The following PCDH15 variants were observed in gnomAD, a reference collection of about 807,000 sequenced individuals.
The protein encoded by PCDH15 is protocadherin-15.
A neutral mutation model predicts 178.5 loss-of-function variants in PCDH15; 129 were observed. The observed-to-expected ratio is 0.72, with a 90% CI of 0.63 to 0.84. PCDH15 has a LOEUF of 0.84. PCDH15 is among the 40% of genes least tolerant of loss of function. PCDH15 has a pLI of 0.00. For missense variants in PCDH15, 2,230 were observed against 2,099.9 expected (o/e 1.06, Z -1.21); for synonymous variants, 800 against 732.0 (o/e 1.09, Z -1.50).
At chr10:54,316,133 T>C (rs939520039) in intron 8 of PCDH15, among the ~76,000 whole-genome samples, 6 of 152,190 alleles carry the variant, frequency 3.9e-5, no homozygotes, top group African/African-American at 1.4e-4. Context: ...TGCACATAAC[T>C]ATTTATTTTT....
chr10:54,399,376 T>C (rs1034387876), intron 3 of PCDH15, among the ~76,000 whole-genome samples: 17 of 152,032 alleles, frequency 1.1e-4, no homozygotes, highest in Admixed American at 1.1e-3. Context: ...AATATTACAG[T>C]GTGATAATTG....
chr10:53,944,691 T>C (rs1162330688), intron 23 of PCDH15, among the ~76,000 whole-genome samples: 1 of 152,184 alleles, frequency 6.6e-6, no homozygotes, highest in East Asian at 1.9e-4. Context: ...GCTTCAGTAA[T>C]GGAACTATAC....
intron 21 of PCDH15, among the ~76,000 whole-genome samples, chr10:53,966,511 G>A (rs2089038333): frequency 1.3e-5 from 2 of 151,912 alleles, no homozygotes; most frequent in Middle Eastern, 6.8e-3. Context: ...ATAGGTAAAG[G>A]TAATAGGCTT....
intron 1 of PCDH15, among the ~76,000 whole-genome samples, chr10:54,766,535 T>C (rs547811785): frequency 1.3e-5 from 2 of 149,128 alleles, no homozygotes; most frequent in Admixed American, 1.3e-4. Flanking sequence ...GTGAATGCAA[T>C]TGATACAAGA....
chr10:55,202,189 G>A (rs1840270734), intron 1 of PCDH15, among the ~76,000 whole-genome samples: 1 of 152,050 alleles, frequency 6.6e-6, no homozygotes, highest in South Asian at 2.1e-4. Flanking sequence ...GGCTGCTGTG[G>A]CTTCTGTAGT....
chr10:54,804,975 G>A (rs1952757110), upstream of PCDH15, among the ~76,000 whole-genome samples: 1 of 50,610 alleles, frequency 2.0e-5, no homozygotes, highest in Non-Finnish European at 4.3e-5. Context: ...TGCAAAGCTA[G>A]TTCTCTCACC....
chr10:54,371,714 CAAAT>C (rs1224349535), intron 4 of PCDH15, among the ~76,000 whole-genome samples: 6 of 144,654 alleles, frequency 4.1e-5, no homozygotes, highest in Non-Finnish European at 1.5e-5. Flanking sequence ...TAAAAAATAA[CAAAT>C]AGAGCAGAGA....
intron 21 of PCDH15, among the ~76,000 whole-genome samples, chr10:53,983,060 A>G (rs1300090885): frequency 1.3e-5 from 2 of 152,042 alleles, no homozygotes; most frequent in African/African-American, 4.8e-5. Context: ...GTTTTCAAGA[A>G]CACAAATATT....
intron 2 of PCDH15, among the ~76,000 whole-genome samples, chr10:54,990,486 G>C (rs1027022959): frequency 3.3e-5 from 5 of 152,010 alleles, no homozygotes; most frequent in Admixed American, 2.0e-4. Flanking sequence ...TTAGCTTCTA[G>C]CTATTTTTCT....
chr10:55,613,159 A>G (rs1026895946), intron 2 of PCDH15, among the ~76,000 whole-genome samples: 1 of 151,458 alleles, frequency 6.6e-6, no homozygotes, highest in Non-Finnish European at 1.5e-5. Context: ...TCAGAAATCC[A>G]TTATTAGTTT....
intron 8 of PCDH15, among the ~76,000 whole-genome samples, chr10:54,245,604 TA>T (rs1379664956): frequency 1.3e-5 from 2 of 152,014 alleles, no homozygotes; most frequent in East Asian, 3.9e-4. Context: ...GAAAATAAGG[TA>T]AATGATTACT....
intron 26 of PCDH15, among the ~76,000 whole-genome samples, chr10:53,871,836 C>T (rs2079885923): frequency 6.6e-6 from 1 of 152,040 alleles, no homozygotes; most frequent in South Asian, 2.1e-4. Flanking sequence ...TCACCGCAAC[C>T]TCCACCTCCC....
chr10:54,452,851 C>T (rs1020062139), intron 3 of PCDH15, among the ~76,000 whole-genome samples: 9 of 152,002 alleles, frequency 5.9e-5, no homozygotes, highest in South Asian at 2.1e-4. Flanking sequence ...ATGACTACAC[C>T]GCATGTACAC....
At chr10:54,452,373 T>C (rs1250395880) in intron 3 of PCDH15, 1 of 152,084 alleles carries the variant, frequency 6.6e-6, no homozygotes, top group African/African-American at 2.4e-5. Flanking sequence ...ACACTGGCTT[T>C]CTCTGTTTCT....
At chr10:54,543,970 G>A (rs1326563967) in intron 2 of PCDH15, among the ~76,000 whole-genome samples, 1 of 152,060 alleles carries the variant, frequency 6.6e-6, no homozygotes, top group Non-Finnish European at 1.5e-5. Context: ...ACATACCGAA[G>A]AACACCTGAC....
chr10:55,262,183 A>G (rs1842163271), intron 1 of PCDH15, among the ~76,000 whole-genome samples: 1 of 147,556 alleles, frequency 6.8e-6, no homozygotes, highest in African/African-American at 2.5e-5. Context: ...GAGGGAGGGA[A>G]AGGGAGTGAG....
At chr10:54,192,314 A>G (rs1322518471) in intron 11 of PCDH15, among the ~76,000 whole-genome samples, 2 of 151,888 alleles carry the variant, frequency 1.3e-5, no homozygotes, top group Admixed American at 1.3e-4. Flanking sequence ...GGCCCTGCAG[A>G]AGATAGACTT....
At chr10:55,222,254 T>C (rs954290975) in intron 1 of PCDH15, among the ~76,000 whole-genome samples, 3 of 152,020 alleles carry the variant, frequency 2.0e-5, no homozygotes, top group Non-Finnish European at 2.9e-5. Context: ...TTGTTCCTGA[T>C]AAGCTAGTAC....
At chr10:55,449,142 A>G (rs926265730) in intron 2 of PCDH15, among the ~76,000 whole-genome samples, 2 of 152,068 alleles carry the variant, frequency 1.3e-5, no homozygotes, top group African/African-American at 4.8e-5. Flanking sequence ...AAATATTTTT[A>G]AGTATAGAGA....
Sources: allele counts gnomAD v4.1 joint callset (sites outside exome capture counted in the v4.1 genomes callset), GRCh38; gene constraint gnomAD v4.1.1; transcripts MANE v1.5; gene names NCBI Gene and HGNC (gene_info 2026-07-23, HGNC 2026-07-21).